The following COL4A2 variants were observed in gnomAD, a reference collection of about 807,000 sequenced individuals.
The protein encoded by COL4A2 is collagen type IV alpha 2 chain, also known as collagen alpha-2(IV) chain.
In COL4A2, 99 loss-of-function variants were observed where a neutral mutation model predicts 200.2. The ratio of observed to expected loss-of-function variants is 0.49; its 90% CI spans 0.42 to 0.58. The LOEUF (loss-of-function observed/expected upper bound fraction) is 0.58, where lower values mean the gene tolerates loss of function less well. Ranked by LOEUF, COL4A2 falls within the 20% of genes least tolerant of loss-of-function variation. The probability of loss-of-function intolerance (pLI) is 0.00; values close to 1 mark genes in which losing one functional copy is unlikely to be tolerated. For synonymous variants in COL4A2, 897 were observed against 900.6 expected, an observed-to-expected ratio of 1.00 and a Z score of 0.07; for missense variants, 1,950 against 2,314.1, an observed-to-expected ratio of 0.84 and a Z score of 3.23.
At chr13:110,369,378 A>G (rs1184765241) in intron 4 of COL4A2, among the ~76,000 whole-genome samples, 1 of 152,128 alleles carries the variant, frequency 6.6e-6, no homozygotes, top group Non-Finnish European at 1.5e-5. Context: ...TGGATTTCAG[A>G]TTTTTCAGTT....
intron 4 of COL4A2, among the ~76,000 whole-genome samples, chr13:110,376,267 C>T (rs575185756): frequency 6.6e-6 from 1 of 152,252 alleles, no homozygotes; most frequent in Admixed American, 6.5e-5. Context: ...CTCTTATCTC[C>T]ACCCGCTTCA....
At chr13:110,341,764 G>A (rs956630157) in intron 3 of COL4A2, among the ~76,000 whole-genome samples, 26 of 152,200 alleles carry the variant, frequency 1.7e-4, no homozygotes, top group Non-Finnish European at 3.4e-4. Flanking sequence ...GCTCTGTCTC[G>A]CTGCCAGAGG....
Position 110,355,661 on chromosome 13 carries a change from G to C in COL4A2, c.100-1811G>C, listed in dbSNP as rs11069842. Among the ~76,000 whole-genome samples the C allele has an allele frequency of 3.8e-3, 68 of 17,922 alleles. 1 individual carries two copies. The highest frequency in any genetic ancestry group is 4.1e-3 in the Non-Finnish European group (45 of 10,862). The allele number at this position is 17,922 out of a possible 152,430, so 11.8% of individuals were successfully genotyped here. ...CCTGTGTGTGTGGGGGAGGGCTGCA[G>C]TAGCTCACCTGTGTGTGGGGGTGGA... On this transcript the variant is annotated intron_variant, in intron 3 of 47. Transcript: ENST00000360467.
chr13:110,410,766 A>G (rs1594198949), intron 4 of COL4A2, among the ~76,000 whole-genome samples: 1 of 152,170 alleles, frequency 6.6e-6, no homozygotes, highest in Non-Finnish European at 1.5e-5. Flanking sequence ...GTATCAGTGA[A>G]TATTTCCATT....
At chr13:110,310,168 C>T (rs567235378) in intron 3 of COL4A2, among the ~76,000 whole-genome samples, 1 of 147,366 alleles carries the variant, frequency 6.8e-6, no homozygotes, top group African/African-American at 2.4e-5. Flanking sequence ...GCTGCAAGCT[C>T]ACCCCCAGTC....
At chr13:110,352,778 C>T (rs1324987950) in intron 3 of COL4A2, among the ~76,000 whole-genome samples, 1 of 152,140 alleles carries the variant, frequency 6.6e-6, no homozygotes, top group Non-Finnish European at 1.5e-5. Context: ...GTAGGGTGCC[C>T]CCACCAGCTT....
At chr13:110,386,031 G>A (rs1364107916) in intron 4 of COL4A2, among the ~76,000 whole-genome samples, 4 of 149,434 alleles carry the variant, frequency 2.7e-5, no homozygotes, top group African/African-American at 7.5e-5. Flanking sequence ...CGTGGTTACA[G>A]TGTGTGGATA....
At chr13:110,511,022 C>T (rs1802589445) in intron 47 of COL4A2, among the ~76,000 whole-genome samples, 1 of 152,052 alleles carries the variant, frequency 6.6e-6, no homozygotes, top group Admixed American at 6.5e-5. Context: ...GGCCCCTGCC[C>T]AAATATATCA....
chr13:110,350,022 C>T (rs1176001834), intron 3 of COL4A2, among the ~76,000 whole-genome samples: 1 of 152,158 alleles, frequency 6.6e-6, no homozygotes, highest in Non-Finnish European at 1.5e-5. Context: ...CTAGGCCTCC[C>T]AAAGTGCTAG....
At chr13:110,347,462 C>G (rs912535069) in intron 3 of COL4A2, among the ~76,000 whole-genome samples, 3 of 152,226 alleles carry the variant, frequency 2.0e-5, no homozygotes, top group African/African-American at 7.2e-5. Flanking sequence ...TGAACTCTTG[C>G]CCTTTGCTAC....
At chr13:110,352,129 A>T (rs993401406) in intron 3 of COL4A2, among the ~76,000 whole-genome samples, 1 of 152,230 alleles carries the variant, frequency 6.6e-6, no homozygotes, top group South Asian at 2.1e-4. Flanking sequence ...TGATGATGGC[A>T]TGAAGGTGGT....
At chr13:110,509,849 G>T (rs1346525123) in intron 47 of COL4A2, among the ~76,000 whole-genome samples, 2 of 152,192 alleles carry the variant, frequency 1.3e-5, no homozygotes, top group Non-Finnish European at 2.9e-5. Context: ...TGGGCCAGAA[G>T]TACCTTGACT....
At chr13:110,456,733 C>G in intron 20 of COL4A2, 1 of 472,590 alleles carries the variant, frequency 2.1e-6, no homozygotes. Context: ...TGCCCATGCC[C>G]TGTGTCTGGG....
intron 4 of COL4A2, among the ~76,000 whole-genome samples, chr13:110,398,408 C>G (rs1879254684): frequency 6.6e-6 from 1 of 152,146 alleles, no homozygotes; most frequent in Non-Finnish European, 1.5e-5. Flanking sequence ...CTTGTAATTC[C>G]AACACTTTGG....
chr13:110,455,566 C>G (rs1410484294), intron 20 of COL4A2, among the ~76,000 whole-genome samples: 2 of 152,184 alleles, frequency 1.3e-5, no homozygotes, highest in Admixed American at 6.5e-5. Context: ...CACGTCTAAG[C>G]TGTAAGCTCC....
intron 30 of COL4A2, among the ~76,000 whole-genome samples, chr13:110,479,188 G>A (rs1277451884): frequency 1.3e-5 from 2 of 152,202 alleles, no homozygotes; most frequent in Non-Finnish European, 2.9e-5. Context: ...TGAACACAGC[G>A]TCGTGTGGTG....
chr13:110,469,651 G>C (rs147600059), intron 28 of COL4A2, among the ~76,000 whole-genome samples: 208 of 152,260 alleles, frequency 1.4e-3, no homozygotes, highest in Non-Finnish European at 1.9e-3. Context: ...GCAACACAAA[G>C]TTATCCTCTC....
intron 4 of COL4A2, among the ~76,000 whole-genome samples, chr13:110,364,062 G>A (rs896468452): frequency 1.3e-5 from 2 of 152,144 alleles, no homozygotes. Context: ...GCTGCTGGTC[G>A]GACCTCTTTG....
intron 21 of COL4A2, chr13:110,457,636 C>T (rs1881822771): frequency 1.5e-6 from 1 of 683,146 alleles, no homozygotes. Flanking sequence ...GCACTCGGCC[C>T]CCAGGCTCAC....
Sources: allele counts gnomAD v4.1 joint callset (sites outside exome capture counted in the v4.1 genomes callset), GRCh38; gene constraint gnomAD v4.1.1; transcripts MANE v1.5; gene names NCBI Gene and HGNC (gene_info 2026-07-23, HGNC 2026-07-21).